Variants in SIK2 observed in about 807,000 individuals in gnomAD.
SIK2 encodes the protein serine/threonine-protein kinase SIK2.
SIK2 carries 29 observed loss-of-function variants against 103.2 expected under a neutral mutation model. That is an observed-to-expected ratio of 0.28 (90% CI 0.21 to 0.38). The LOEUF is 0.38. Ranked by LOEUF, SIK2 falls within the 10% of genes least tolerant of loss-of-function variation. The pLI, the probability that SIK2 is intolerant of heterozygous loss-of-function variation, is 1.00. For synonymous variants in SIK2, 412 were observed against 446.1 expected, an observed-to-expected ratio of 0.92 and a Z score of 0.96; for missense variants, 879 against 1,171.0, an observed-to-expected ratio of 0.75 and a Z score of 3.64.
rs1017407516 is a variant in SIK2, at chr11:111,730,186, T to G, written c.*6057T>G. On this transcript the variant is annotated 3_prime_UTR_variant, in exon 15 of 15. Transcript: ENST00000304987. ...CAAAGTGGGTGGGTAGAGGGGAGCT[T>G]TAAAAATAGAAGTACAAAACAACAT... 12 of 152,150 alleles carry G rather than the reference T, an allele frequency of 7.9e-5. No homozygotes were observed. Among genetic ancestry groups the G allele is most frequent in the African/African-American group, 2.9e-4 (12 of 41,434 alleles). 9.4% of individuals were successfully genotyped at this position (152,150 alleles called of 1,614,324 possible). A position where few individuals can be genotyped will look rare whatever the true frequency, so the allele number is the denominator to read the frequency against.
At position 111,715,607 on chromosome 11, in the gene SIK2, T is replaced by C. The variant is rs184000123; in HGVS notation, c.1266+3232T>C. Among the ~76,000 whole-genome samples the C allele has an allele frequency of 7.4e-3, 1,132 of 152,272 alleles. 8 individuals carry two copies. Among genetic ancestry groups the C allele is most frequent in the Middle Eastern group, 0.061 (18 of 294 alleles). ...AAAAATATTGCCTTTCTGAGATAGT[T>C]GCCCAACTCTAGATAAGAATGGTTG... is the stretch of plus-strand genomic sequence containing the variant. On this transcript the variant is annotated intron_variant, in intron 9 of 14. Coordinates refer to ENST00000304987, the MANE Select transcript of SIK2 (RefSeq NM_015191.3).
intron 3 of SIK2, among the ~76,000 whole-genome samples, chr11:111,622,218 T>TTTTTC (rs1294830862): frequency 6.6e-6 from 1 of 151,012 alleles, no homozygotes; most frequent in Non-Finnish European, 1.5e-5. Context: ...TCTAATGTCA[T>TTTTTC]TTTTCTTTTG....
chr11:111,702,616 C>T (rs1255108106), intron 6 of SIK2, among the ~76,000 whole-genome samples: 1 of 152,176 alleles, frequency 6.6e-6, no homozygotes, highest in Non-Finnish European at 1.5e-5. Context: ...GCACTTAGCA[C>T]AGCGCCTGCC....
intron 3 of SIK2, among the ~76,000 whole-genome samples, chr11:111,681,462 A>G (rs1718438965): frequency 6.6e-6 from 1 of 151,984 alleles, no homozygotes; most frequent in South Asian, 2.1e-4. Flanking sequence ...GTGATAGTTT[A>G]TTTTTTTTAG....
intron 3 of SIK2, among the ~76,000 whole-genome samples, chr11:111,624,805 G>A (rs1468665662): frequency 6.6e-6 from 1 of 151,982 alleles, no homozygotes; most frequent in Non-Finnish European, 1.5e-5. Context: ...AAATAGAGTG[G>A]TCAGAGGCTG....
chr11:111,726,263 C>T lies in SIK2; in HGVS notation c.*2134C>T, dbSNP rs1488281810. 6.6e-6 allele frequency: 1 copy of T among 152,222 alleles called. No individual in the cohort carries two copies. The highest frequency in any genetic ancestry group is 1.5e-5 in the Non-Finnish European group (1 of 68,050). 9.4% of individuals were successfully genotyped at this position (152,222 alleles called of 1,614,324 possible). ...CAGGAATGGTGTAGTTACAGATCGA[C>T]ATAAACTCCTGCCCCCCAACAATGC... On this transcript the variant is annotated 3_prime_UTR_variant, in exon 15 of 15. Coordinates refer to ENST00000304987, the MANE Select transcript of SIK2 (RefSeq NM_015191.3).
intron 4 of SIK2, among the ~76,000 whole-genome samples, chr11:111,693,149 T>A (rs970128270): frequency 2.0e-5 from 3 of 152,030 alleles, no homozygotes; most frequent in Admixed American, 6.6e-5. Context: ...CTGGCCAACA[T>A]GGTGAAACCC....
At chr11:111,691,677 CAT>C (rs747602027) in intron 4 of SIK2, among the ~76,000 whole-genome samples, 38 of 152,318 alleles carry the variant, frequency 2.5e-4, no homozygotes, top group Admixed American at 1.4e-3. Context: ...CACACACACA[CAT>C]GTGTGCACAG....
intron 4 of SIK2, among the ~76,000 whole-genome samples, chr11:111,699,252 A>G (rs1279423186): frequency 1.3e-5 from 2 of 152,158 alleles, no homozygotes; most frequent in Non-Finnish European, 2.9e-5. Context: ...TTTAGACTGT[A>G]TCTGAAGCTC....
At chr11:111,666,192 C>CAA (rs1942539160) in intron 3 of SIK2, among the ~76,000 whole-genome samples, 1 of 152,184 alleles carries the variant, frequency 6.6e-6, no homozygotes, top group South Asian at 2.1e-4. Context: ...GTGAAAGAGG[C>CAA]ATGAAATCAG....
At chr11:111,640,908 G>A (rs925599839) in intron 3 of SIK2, among the ~76,000 whole-genome samples, 10 of 151,572 alleles carry the variant, frequency 6.6e-5, no homozygotes, top group African/African-American at 2.4e-4. Flanking sequence ...CTAATTTTTT[G>A]TATTTTTAGT....
rs972377239 is a variant in SIK2 at position 111,641,488 on chromosome 11, C to A, written c.316+21086C>A. Among the ~76,000 whole-genome samples, 3 of 152,306 alleles carry A rather than the reference C, an allele frequency of 2.0e-5. No homozygotes were observed. In the East Asian group the frequency reaches 5.8e-4, roughly 29 times the overall value. On this transcript the variant is annotated intron_variant, in intron 3 of 14. Transcript: ENST00000304987. ...ATATCTAATTAGTTGCTTAGTCTTA[C>A]AGATTTTTCTTTGAAATATCTTATT...
chr11:111,616,234 G>T lies in SIK2; in HGVS notation c.136-9G>T. On this transcript the variant is annotated splice_polypyrimidine_tract_variant and intron_variant, in intron 1 of 14. Coordinates refer to ENST00000304987, the MANE Select transcript of SIK2 (RefSeq NM_015191.3). ...TACTAATTGTATTTATTTGTGTTCTGGGATGCAGGTGGCAATAAAAATAAT... is the reference window on the plus strand; with the variant it reads ...TACTAATTGTATTTATTTGTGTTCTTGGATGCAGGTGGCAATAAAAATAAT... The T allele has an allele frequency of 6.4e-7, 1 of 1,564,432 alleles. No individual in the cohort carries two copies. Among genetic ancestry groups the T allele is most frequent in the Non-Finnish European group, 8.8e-7 (1 of 1,135,594 alleles).
intron 3 of SIK2, among the ~76,000 whole-genome samples, chr11:111,664,698 C>A (rs375106998): frequency 4.6e-4 from 63 of 138,340 alleles, no homozygotes; most frequent in East Asian, 7.4e-4. Context: ...ACCACCCCCC[C>A]CACACACACA....
At chr11:111,639,836 T>C (rs554680253) in intron 3 of SIK2, among the ~76,000 whole-genome samples, 197 of 152,296 alleles carry the variant, frequency 1.3e-3, no homozygotes, top group African/African-American at 4.3e-3. Context: ...GTGTAGAAAG[T>C]ATTTCTGGGC....
chr11:111,602,844 A>AC lies in SIK2; in HGVS notation c.135+149dup. The AC allele has an allele frequency of 8.3e-7, 1 of 1,202,768 alleles. No homozygotes were observed. The highest frequency in any genetic ancestry group is 1.1e-6 in the Non-Finnish European group (1 of 923,326). The allele number at this position is 1,202,768 out of a possible 1,614,324, so 74.5% of individuals were successfully genotyped here. Reference sequence around the variant, plus strand: ...GGCGAGCGGGCCTGGGACTGTGAGGACCCAGGAGGTGCAGGGGGTCGGTGA... The same window carrying AC: ...GGCGAGCGGGCCTGGGACTGTGAGGACCCCAGGAGGTGCAGGGGGTCGGTGA... On this transcript the variant is annotated intron_variant, in intron 1 of 14. Coordinates refer to ENST00000304987, the MANE Select transcript of SIK2 (RefSeq NM_015191.3). This position sits in a 1 kb window ranked among gnomAD's most constrained non-coding sequence, Gnocchi z 4.5.
rs143375948 is a variant in SIK2 at position 111,602,683 on chromosome 11, G to A, written c.120G>A (p.Arg40=). The A allele has an allele frequency of 2.2e-5, 34 of 1,522,998 alleles. No individual in the cohort carries two copies. In the African/African-American group the frequency reaches 4.7e-4, roughly 21 times the overall value. 94.3% of individuals were successfully genotyped at this position (1,522,998 alleles called of 1,614,324 possible). ...NFAVVKLGRH[R]ITKTEVAIKI... Reference sequence around the variant, plus strand: ...CTGTGGTGAAGCTGGGGCGGCACCGGATCACCAAGACGGAGGTGCGGCCCG... The same window carrying A: ...CTGTGGTGAAGCTGGGGCGGCACCGAATCACCAAGACGGAGGTGCGGCCCG... The change falls in exon 1 of 15, where the codon CGG becomes CGA. Residue 40 remains arginine, a synonymous_variant. Transcript: ENST00000304987. The surrounding 1 kb of genome is among the most constrained non-coding windows in gnomAD (Gnocchi z 4.5).
intron 3 of SIK2, among the ~76,000 whole-genome samples, chr11:111,657,422 C>G (rs1313671455): frequency 6.6e-6 from 1 of 152,172 alleles, no homozygotes; most frequent in African/African-American, 2.4e-5. Context: ...CAGGGTCTCA[C>G]TCTGTTGCCC....
At chr11:111,606,917 C>G (rs1941655933) in intron 1 of SIK2, among the ~76,000 whole-genome samples, 1 of 149,028 alleles carries the variant, frequency 6.7e-6, no homozygotes, top group Non-Finnish European at 1.5e-5. Flanking sequence ...AGTTGGAGAC[C>G]AGCCTGGTCA....
Sources: gnomAD v4.1 joint callset for allele counts (sites outside exome capture counted in the v4.1 genomes callset) on GRCh38, gnomAD v4.1.1 for gene constraint, Gnocchi (gnomAD v3.1) non-coding constraint, MANE v1.5 for transcripts, NCBI Gene and HGNC (gene_info 2026-07-23, HGNC 2026-07-21) for gene names.